The following COL17A1 variants were observed in gnomAD, a reference collection of about 807,000 sequenced individuals.
COL17A1 encodes the protein collagen alpha-1(XVII) chain.
A neutral mutation model predicts 218.4 loss-of-function variants in COL17A1; 181 were observed. That is an observed-to-expected ratio of 0.83 (90% confidence interval 0.73 to 0.94). COL17A1 has a LOEUF of 0.94. Among genes scored for constraint, COL17A1 ranks in the 40% least tolerant of loss-of-function variants. COL17A1 has a pLI of 0.00. For synonymous variants in COL17A1, 721 were observed against 731.0 expected, an observed-to-expected ratio of 0.99 and a Z score of 0.22; for missense variants, 1,924 against 1,945.9, an observed-to-expected ratio of 0.99 and a Z score of 0.21.
rs756112187 is a variant in COL17A1, at chr10:104,057,156, G to A, written c.1284C>T (p.Gly428=). ...CTCCACTGCCACCACCACCACTGCT[G>A]CCGTAGCTGTGGATATCTGTGAAAG... The part of the protein sequence containing the change: ...KTTTADIHSY[G]SSGGGGSGGG... Residue 428 remains glycine, a synonymous_variant, in exon 17 of 56, where the codon GGC becomes GGT. Coordinates refer to ENST00000648076, the MANE Select transcript of COL17A1 (RefSeq NM_000494.4). 1 of 1,613,972 alleles carries A rather than the reference G, an allele frequency of 6.2e-7. No homozygotes were observed. The highest frequency in any genetic ancestry group is 8.5e-7 in the Non-Finnish European group (1 of 1,179,888).
At position 104,031,841 on chromosome 10, in the gene COL17A1, G is replaced by A. The variant is rs909584105; in HGVS notation, c.*394C>T. On this transcript the variant is annotated 3_prime_UTR_variant, in exon 56 of 56. Coordinates refer to ENST00000648076, the MANE Select transcript of COL17A1 (RefSeq NM_000494.4). The stretch of plus-strand genomic sequence containing the variant: ...CATCAAGTGTCACCTCCAGGAAGGC[G>A]CCCCACCCCCATCCTCCGTTTTCTG... 5 of 281,068 alleles carry A rather than the reference G, an allele frequency of 1.8e-5. No homozygotes were observed. Among genetic ancestry groups the A allele is most frequent in the African/African-American group, 2.2e-5 (1 of 45,194 alleles). The allele number at this position is 281,068 out of a possible 1,614,324, so 17.4% of individuals were successfully genotyped here. A position where few individuals can be genotyped will look rare whatever the true frequency, so the allele number is the denominator to read the frequency against.
In COL17A1 at chr10:104,062,305, GC is replaced by G; in HGVS notation, c.862del (p.Ala288ProfsTer4). 6.2e-7 allele frequency: 1 copy of G among 1,614,228 alleles called. No individual in the cohort carries two copies. On this transcript the variant is annotated frameshift_variant, in exon 12 of 56. Coordinates refer to ENST00000648076, the MANE Select transcript of COL17A1 (RefSeq NM_000494.4). LOFTEE classifies it high-confidence loss of function. ...SSVFGMQNNL[A>X]PSLTTLSHGT... ...ATGGGACAGGGTGGTCAAGCTGGGG[GC>G]CAGATTGTTCTGCATGCCAAACACT...
At chr10:104,058,352 G>A (rs1335604560) in intron 15 of COL17A1, among the ~76,000 whole-genome samples, 162 bp from the exon 16 acceptor site, 4 of 152,200 alleles carry the variant, frequency 2.6e-5, no homozygotes, top group Non-Finnish European at 5.9e-5. Context: ...TGATATTTGC[G>A]ATAATTACAT....
intron 47 of COL17A1, 53 bp downstream of exon 47, chr10:104,036,992 G>T (rs559685545): frequency 6.6e-7 from 1 of 1,507,956 alleles, no homozygotes; most frequent in South Asian, 1.2e-5. Context: ...GACGAGTGAG[G>T]CCAGGAGAAA....
intron 29 of COL17A1, among the ~76,000 whole-genome samples, chr10:104,048,440 C>T (rs541414059): frequency 2.0e-5 from 3 of 152,304 alleles, no homozygotes; most frequent in Non-Finnish European, 4.4e-5. Flanking sequence ...ATTATTGTAA[C>T]CTCTCTCCAA....
At chr10:104,043,356 A>C in intron 35 of COL17A1, 145 bp downstream of exon 35, 1 of 756,062 alleles carries the variant, frequency 1.3e-6, no homozygotes, top group South Asian at 1.5e-5. Context: ...AGAATGCAAG[A>C]GTTTGCTTTT....
chr10:104,061,313 A>G (rs1175215173), intron 13 of COL17A1, 92 bp downstream of exon 13: 1 of 1,250,944 alleles, frequency 8.0e-7, no homozygotes, highest in Non-Finnish European at 1.1e-6. Flanking sequence ...CCAGTATACC[A>G]TGTGTATTGG....
intron 29 of COL17A1, among the ~76,000 whole-genome samples, chr10:104,048,748 T>A (rs540176627): frequency 9.1e-4 from 138 of 152,260 alleles, no homozygotes; most frequent in Non-Finnish European, 1.6e-3. Context: ...CACTCACAGC[T>A]GGGGAAGTGA....
In COL17A1 at chr10:104,076,325, G is replaced by C; in HGVS notation, c.307C>G (p.His103Asp). ...CCTTCATACGCATGGCGGGTAACGT[G>C]AGTTTTCCTTTCAAAGGTTGAGCCT... ...SPGSTFERKT[H>D]VTRHAYEGSS... The change falls in exon 5 of 56, where the codon CAC becomes GAC. Residue 103 changes from histidine (H) to aspartate (D), a missense_variant. His to Asp is a moderately conservative substitution (Grantham distance 81). Coordinates refer to ENST00000648076, the MANE Select transcript of COL17A1 (RefSeq NM_000494.4). The C allele has an allele frequency of 3.1e-6, 5 of 1,614,186 alleles. No homozygotes were observed. Among genetic ancestry groups the C allele is most frequent in the Non-Finnish European group, 4.2e-6 (5 of 1,180,024 alleles).
rs774708773 is a variant in COL17A1 at position 104,077,510 on chromosome 10, A to G, written c.114T>C (p.Asn38=). The G allele has an allele frequency of 3.7e-6, 6 of 1,612,474 alleles. No individual in the cohort carries two copies. The highest frequency in any genetic ancestry group is 5.1e-6 in the Non-Finnish European group (6 of 1,179,534). Residue 38 remains asparagine, a synonymous_variant, in exon 4 of 56, where the codon AAT becomes AAC. Transcript: ENST00000648076. The part of the protein sequence containing the change: ...TSLPPKGGTS[N]GYAKTASLGG... ...CAAGAGAGGCTGTTTTAGCATAGCC[A>G]TTGCTGGTCCCGCCTTCTGCCAGGA... is the stretch of plus-strand genomic sequence containing the variant.
chr10:104,042,471 A>C lies in COL17A1; in HGVS notation c.2516-16T>G, dbSNP rs757604590. On this transcript the variant is annotated splice_polypyrimidine_tract_variant and intron_variant, in intron 35 of 55. Transcript: ENST00000648076. ...CCGGCAGGGCCTGGAAACGGGGTTG[A>C]GGAAGAAAAGGCTAAATCATGCATG... 4.3e-6 allele frequency: 7 copies of C among 1,613,912 alleles called. No homozygotes were observed. Among genetic ancestry groups the C allele is most frequent in the Non-Finnish European group, 5.9e-6 (7 of 1,179,930 alleles).
chr10:104,059,735 T>A lies in COL17A1; in HGVS notation c.1142-17A>T. Reference sequence around the variant, plus strand: ...AAAAAGAAGCTATGTACAGAACCCATTATAACCTGGCATATTCTCTTCTCA... The same window carrying A: ...AAAAAGAAGCTATGTACAGAACCCAATATAACCTGGCATATTCTCTTCTCA... On this transcript the variant is annotated splice_polypyrimidine_tract_variant and intron_variant, in intron 14 of 55. Coordinates refer to ENST00000648076, the MANE Select transcript of COL17A1 (RefSeq NM_000494.4). 1 of 1,612,294 alleles carries A rather than the reference T, an allele frequency of 6.2e-7. No individual in the cohort carries two copies. The highest frequency in any genetic ancestry group is 1.3e-5 in the African/African-American group (1 of 75,014).
At chr10:104,055,295 G>T in intron 19 of COL17A1, 77 bp downstream of exon 19, 1 of 1,605,768 alleles carries the variant, frequency 6.2e-7, no homozygotes, top group Non-Finnish European at 8.5e-7. Context: ...CAAAGAAAAA[G>T]GCTTCTAATC....
At chr10:104,039,318 C>T in intron 43 of COL17A1, 127 bp downstream of exon 43, 2 of 1,170,898 alleles carry the variant, frequency 1.7e-6, no homozygotes, top group Non-Finnish European at 2.5e-6. Flanking sequence ...CCTTTCCTTC[C>T]TCCAGCCTCT....
At chr10:104,058,261 A>T in intron 15 of COL17A1, 71 bp from the exon 16 acceptor site, 1 of 1,598,742 alleles carries the variant, frequency 6.3e-7, no homozygotes, top group Non-Finnish European at 8.6e-7. Context: ...TGGAGTAGCC[A>T]TTTTTTTATT....
rs866518195 is a variant in COL17A1, at chr10:104,052,035, C to T, written c.2002+120G>A. 27 of 1,380,106 alleles carry T rather than the reference C, an allele frequency of 2.0e-5. No homozygotes were observed. The African/African-American group carries it at 2.8e-4, about 15-fold the overall frequency. The allele number at this position is 1,380,106 out of a possible 1,614,324, so 85.5% of individuals were successfully genotyped here. On this transcript the variant is annotated intron_variant, in intron 24 of 55. Coordinates refer to ENST00000648076, the MANE Select transcript of COL17A1 (RefSeq NM_000494.4). ...TCTTTGGACCCACCCACCACCCCTGCACAGGCCTGGGGCAGGGGGTTAGGG... is the reference window on the plus strand; with the variant it reads ...TCTTTGGACCCACCCACCACCCCTGTACAGGCCTGGGGCAGGGGGTTAGGG...
intron 15 of COL17A1, 40 bp downstream of exon 15, chr10:104,059,598 G>T: frequency 6.4e-7 from 1 of 1,572,936 alleles, no homozygotes. Flanking sequence ...AATGTGGCCT[G>T]GCTGAAGTCA....
At chr10:104,034,356 G>A (rs1329639366) in intron 51 of COL17A1, 22 bp from the exon 52 acceptor site, 3 of 1,540,378 alleles carry the variant, frequency 1.9e-6, no homozygotes, top group South Asian at 1.2e-5. Flanking sequence ...GAAGCTGCAT[G>A]AGTGGGAGCT....
rs752711294 is a variant in COL17A1, at chr10:104,034,032, C to T, written c.4069G>A (p.Ala1357Thr). ...GCTCCCAATAGTCCGCCATTGCCAG[C>T]ATACATGCCGCCTTCTGCTGCTGCC... is the stretch of plus-strand genomic sequence containing the variant. The part of the protein sequence containing the change: ...YGAAAEGGMY[A>T]GNGGLLGADF... Residue 1357 changes from alanine to threonine, a missense_variant, in exon 52 of 56, where the codon GCT (alanine) becomes ACT (threonine). Physicochemically the swap from Ala to Thr is moderately conservative, Grantham distance 58. Coordinates refer to ENST00000648076, the MANE Select transcript of COL17A1 (RefSeq NM_000494.4). The T allele has an allele frequency of 3.6e-5, 58 of 1,614,096 alleles. No individual in the cohort carries two copies. The South Asian group carries it at 5.4e-4, about 15-fold the overall frequency.
Sources: allele counts gnomAD v4.1 joint callset (sites outside exome capture counted in the v4.1 genomes callset), GRCh38; gene constraint gnomAD v4.1.1; transcripts MANE v1.5; gene names NCBI Gene and HGNC (gene_info 2026-07-23, HGNC 2026-07-21).